Variants in SCRN1 observed in about 807,000 individuals in gnomAD.
SCRN1 encodes the protein secernin 1.
A neutral mutation model predicts 43.3 loss-of-function variants in SCRN1; 19 were observed. The ratio of observed to expected loss-of-function variants is 0.44; its 90% CI spans 0.31 to 0.64. The LOEUF (loss-of-function observed/expected upper bound fraction) is 0.64. SCRN1 is among the 30% of genes least tolerant of loss of function. The pLI is 0.09. For missense variants in SCRN1, 447 were observed against 524.1 expected (o/e 0.85, Z 1.44); for synonymous variants, 183 against 188.9 (o/e 0.97, Z 0.26).
chr7:29,937,377 T>A (rs567136019), intron 5 of SCRN1, among the ~76,000 whole-genome samples: 6 of 152,332 alleles, frequency 3.9e-5, no homozygotes, highest in Admixed American at 3.3e-4. Flanking sequence ...ATGGAATTCC[T>A]GTGTTGAGTC....
chr7:29,929,943 G>T (rs1282231709), intron 6 of SCRN1, among the ~76,000 whole-genome samples: 1 of 152,040 alleles, frequency 6.6e-6, no homozygotes, highest in East Asian at 1.9e-4. Context: ...AATCAATGAG[G>T]GTGTCTGGTG....
At position 29,921,627 on chromosome 7, in the gene SCRN1, G is replaced by C. The variant is rs750878871; in HGVS notation, c.*2330C>G. The C allele has an allele frequency of 6.6e-6, 1 of 152,194 alleles. No individual in the cohort carries two copies. Among genetic ancestry groups the C allele is most frequent in the African/African-American group, 2.4e-5 (1 of 41,446 alleles). 9.4% of individuals were successfully genotyped at this position (152,194 alleles called of 1,614,324 possible). The stretch of plus-strand genomic sequence containing the variant: ...GGCTGTACCATGCCCTCTAGTGGTA[G>C]GACTAGGACATCACAATTGTGGTGC... On this transcript the variant is annotated 3_prime_UTR_variant, in exon 8 of 8. Coordinates refer to ENST00000242059, the MANE Select transcript of SCRN1 (RefSeq NM_014766.5).
intron 3 of SCRN1, among the ~76,000 whole-genome samples, chr7:29,945,212 C>A (rs1344253710): frequency 6.6e-6 from 1 of 152,182 alleles, no homozygotes; most frequent in Non-Finnish European, 1.5e-5. Context: ...AATTAATAAA[C>A]CCTTTAAAGA....
rs140798313 is a variant in SCRN1 at position 29,944,067 on chromosome 7, T to C, written c.454A>G (p.Ser152Gly). 6 of 1,614,252 alleles carry C rather than the reference T, an allele frequency of 3.7e-6. No individual in the cohort carries two copies. In the African/African-American group the frequency reaches 5.3e-5, roughly 14 times the overall value. ...ACAATCAGATATGCACTTTGGAAGC[T>C]GTGGCAGGAGTTTGCATCTTCAAAG... ...NYFEDANSCH[S>G]FQSAYLIVDR... Residue 152 changes from serine (S) to glycine (G), a missense_variant, in exon 4 of 8, where the codon AGC becomes GGC. Ser to Gly is a moderately conservative substitution (Grantham distance 56, BLOSUM62 0). Transcript: ENST00000242059.
intron 2 of SCRN1, among the ~76,000 whole-genome samples, chr7:29,962,736 T>C (rs959010215): frequency 6.6e-6 from 1 of 152,110 alleles, no homozygotes; most frequent in African/African-American, 2.4e-5. Context: ...TAAAATGTCA[T>C]GAAATGGCTG....
chr7:29,927,673 A>AT lies in SCRN1; in HGVS notation c.906-1042dup, dbSNP rs575427927. 9.9e-5 allele frequency among the ~76,000 whole-genome samples: 15 copies of AT among 152,174 alleles called. No individual in the cohort carries two copies. The East Asian group carries it at 2.5e-3, about 25-fold the overall frequency. The stretch of plus-strand genomic sequence containing the variant: ...TAGGTCAGATTTGTCAGATTTGGAC[A>AT]TTTTTTTCTCCTCTCAACAGGTGCA... On this transcript the variant is annotated intron_variant, in intron 6 of 7. Coordinates refer to ENST00000242059, the MANE Select transcript of SCRN1 (RefSeq NM_014766.5).
At chr7:29,969,722 G>C (rs144183071) in intron 1 of SCRN1, 18 of 433,018 alleles carry the variant, frequency 4.2e-5, no homozygotes, top group Middle Eastern at 3.7e-4. Context: ...TTTTCTATCT[G>C]GGAAAATGCA....
chr7:29,947,581 TC>T (rs748895884), intron 3 of SCRN1, among the ~76,000 whole-genome samples: 2 of 152,130 alleles, frequency 1.3e-5, no homozygotes, highest in African/African-American at 4.8e-5. Context: ...TCTTCCCTCC[TC>T]CCCACAATCA....
chr7:29,935,052 G>T (rs1387944668), intron 6 of SCRN1, among the ~76,000 whole-genome samples: 1 of 152,212 alleles, frequency 6.6e-6, no homozygotes, highest in African/African-American at 2.4e-5. Flanking sequence ...CTTCCTCTGT[G>T]AAGTTTTCCC....
rs1185422567 is a variant in SCRN1 at position 29,969,025 on chromosome 7, G to A, written c.43C>T (p.Pro15Ser). ...ACCACCAGACCATCCTTAGCACGTGGAGGGAAGGCAACAAAACAGTAACTT... is the reference window on the plus strand; with the variant it reads ...ACCACCAGACCATCCTTAGCACGTGAAGGGAAGGCAACAAAACAGTAACTT... ...PPSYCFVAFP[P>S]RAKDGLVVFG... is the part of the protein sequence containing the mutation. The change falls in exon 2 of 8, where the codon CCA (proline) becomes TCA (serine). Residue 15 changes from proline to serine, a missense_variant. Pro to Ser is a moderately conservative substitution (Grantham distance 74). Coordinates refer to ENST00000242059, the MANE Select transcript of SCRN1 (RefSeq NM_014766.5). 3.1e-6 allele frequency: 5 copies of A among 1,613,982 alleles called. No homozygotes were observed. The highest frequency in any genetic ancestry group is 1.3e-5 in the African/African-American group (1 of 74,908).
chr7:29,964,582 T>A (rs1478099246), intron 2 of SCRN1, among the ~76,000 whole-genome samples: 2 of 152,246 alleles, frequency 1.3e-5, no homozygotes, highest in East Asian at 3.9e-4. Context: ...CAATGGCTTG[T>A]CATTATACAT....
intron 2 of SCRN1, among the ~76,000 whole-genome samples, chr7:29,958,460 C>A (rs1033918364): frequency 6.6e-6 from 1 of 152,172 alleles, no homozygotes; most frequent in Non-Finnish European, 1.5e-5. Flanking sequence ...ACAACTGCCA[C>A]ATTATTAATG....
At chr7:29,981,685 A>T (rs1457855723) in intron 1 of SCRN1, among the ~76,000 whole-genome samples, 1 of 152,150 alleles carries the variant, frequency 6.6e-6, no homozygotes, top group African/African-American at 2.4e-5. Context: ...CCCATACAAG[A>T]TTGGGTGAGG....
At chr7:29,941,590 GTGTA>G (rs1027525335) in intron 4 of SCRN1, among the ~76,000 whole-genome samples, 1 of 152,128 alleles carries the variant, frequency 6.6e-6, no homozygotes, top group Admixed American at 6.6e-5. Flanking sequence ...GCATGCGTGT[GTGTA>G]TGTGTTTGAA....
intron 3 of SCRN1, among the ~76,000 whole-genome samples, chr7:29,948,129 A>G (rs539129107): frequency 6.6e-6 from 1 of 152,040 alleles, no homozygotes; most frequent in Non-Finnish European, 1.5e-5. Context: ...ACTTATCTCC[A>G]TCTCTCAGTG....
At position 29,955,342 on chromosome 7, in the gene SCRN1, C is replaced by T. The variant is rs864622024; in HGVS notation, c.178G>A (p.Asp60Asn). ...SKVECTYISI[D>N]QVPRTYAIMI... ...ATGGCATAGGTCCTTGGAACTTGGT[C>T]GATTGAAATGTAAGTGCACTGAAAA... Residue 60 changes from aspartate to asparagine, a missense_variant, in exon 3 of 8, where the codon GAC (aspartate) becomes AAC (asparagine). By Grantham distance (23) the Asp-to-Asn change is conservative (BLOSUM62 1). Transcript: ENST00000242059. 7 of 1,613,350 alleles carry T rather than the reference C, an allele frequency of 4.3e-6. No homozygotes were observed. The African/African-American group carries it at 5.3e-5, about 12-fold the overall frequency.
Position 29,926,453 on chromosome 7 carries a change from T to C in SCRN1, c.1085A>G (p.Gln362Arg), listed in dbSNP as rs1395373593. The C allele has an allele frequency of 2.4e-5, 38 of 1,611,500 alleles. No homozygotes were observed. The highest frequency in any genetic ancestry group is 3.1e-5 in the Non-Finnish European group (36 of 1,178,400). The change falls in exon 7 of 8, where the codon CAG becomes CGG. Residue 362 changes from glutamine (Q) to arginine (R), a missense_variant and splice_region_variant. Physicochemically the swap from Gln to Arg is conservative, Grantham distance 43. Transcript: ENST00000242059. ...EWARAIIESD[Q>R]EQGRKLRSTM... ...TCTGTGGCCCTCATGCAAGCTCACC[T>C]GGTCACTTTCGATGATGGCACGTGC...
intron 1 of SCRN1, among the ~76,000 whole-genome samples, chr7:29,979,902 G>C (rs1788947517): frequency 6.6e-6 from 1 of 152,176 alleles, no homozygotes; most frequent in Non-Finnish European, 1.5e-5. Flanking sequence ...TGGCAGGTTG[G>C]AAAACAATTT....
chr7:29,944,634 G>T (rs982552901), intron 3 of SCRN1, among the ~76,000 whole-genome samples: 1 of 143,144 alleles, frequency 7.0e-6, no homozygotes, highest in Non-Finnish European at 1.5e-5. Context: ...CCACACTCCA[G>T]TCTGGGCATC....
Sources: allele counts gnomAD v4.1 joint callset (sites outside exome capture counted in the v4.1 genomes callset), GRCh38; gene constraint gnomAD v4.1.1; transcripts MANE v1.5; gene names NCBI Gene and HGNC (gene_info 2026-07-23, HGNC 2026-07-21).